The following ATF1 variants were observed in gnomAD, a reference collection of about 807,000 sequenced individuals.
ATF1 encodes the protein cyclic AMP-dependent transcription factor ATF-1.
ATF1 carries 16 observed loss-of-function variants against 34.7 expected under a neutral mutation model. That is an observed-to-expected ratio of 0.46 (90% CI 0.31 to 0.70). The LOEUF (loss-of-function observed/expected upper bound fraction) is 0.70. ATF1 is among the 30% of genes least tolerant of loss of function. The pLI, the probability that ATF1 is intolerant of heterozygous loss-of-function variation, is 0.05. For missense variants in ATF1, 255 were observed against 321.6 expected, an observed-to-expected ratio of 0.79 and a Z score of 1.58; for synonymous variants, 105 against 113.1, an observed-to-expected ratio of 0.93 and a Z score of 0.46.
At chr12:50,789,654 C>G (rs952795741) in intron 2 of ATF1, among the ~76,000 whole-genome samples, 1 of 152,174 alleles carries the variant, frequency 6.6e-6, no homozygotes, top group Non-Finnish European at 1.5e-5. Context: ...ACTCGGGAGG[C>G]TGAGGCAGGA....
intron 6 of ATF1, 47 bp downstream of exon 6, chr12:50,814,486 T>A (rs780523874): frequency 6.4e-7 from 1 of 1,566,976 alleles, no homozygotes; most frequent in Admixed American, 1.7e-5. Flanking sequence ...TTTTTACAAA[T>A]CTCACAACAT....
At chr12:50,788,931 G>C (rs929025476) in intron 2 of ATF1, among the ~76,000 whole-genome samples, 4 of 151,774 alleles carry the variant, frequency 2.6e-5, no homozygotes, top group Non-Finnish European at 5.9e-5. Flanking sequence ...GTAGTACAAA[G>C]TGCTATCTTG....
chr12:50,766,883 A>T (rs192398490), intron 1 of ATF1, among the ~76,000 whole-genome samples: 1 of 152,296 alleles, frequency 6.6e-6, no homozygotes, highest in Non-Finnish European at 1.5e-5. Context: ...TCTTACCTAG[A>T]GGCCACATGT....
At chr12:50,780,312 G>T in intron 2 of ATF1, 74 bp downstream of exon 2, 1 of 1,270,920 alleles carries the variant, frequency 7.9e-7, no homozygotes, top group Non-Finnish European at 1.1e-6. Flanking sequence ...GTTTCAGACT[G>T]ATTATTAATG....
chr12:50,781,915 C>CAAA (rs56395543), intron 2 of ATF1, among the ~76,000 whole-genome samples: 10 of 107,158 alleles, frequency 9.3e-5, no homozygotes, highest in Non-Finnish European at 1.8e-4. Flanking sequence ...ACCCTATCTC[C>CAAA]AAAAAAAAAA....
chr12:50,799,214 G>A (rs1179813920), intron 3 of ATF1, among the ~76,000 whole-genome samples: 2 of 152,122 alleles, frequency 1.3e-5, no homozygotes, highest in East Asian at 1.9e-4. Context: ...AGGAGATCCT[G>A]TCTCTACAAA....
intron 2 of ATF1, among the ~76,000 whole-genome samples, chr12:50,794,088 C>T (rs1219856805): frequency 6.6e-6 from 1 of 151,630 alleles, no homozygotes; most frequent in African/African-American, 2.4e-5. Context: ...GTAGCTGGGA[C>T]TACAGGCGCC....
chr12:50,803,449 G>C (rs1237763085), intron 3 of ATF1, among the ~76,000 whole-genome samples: 4 of 151,510 alleles, frequency 2.6e-5, no homozygotes, highest in Admixed American at 1.3e-4. Flanking sequence ...AATAAGTGTT[G>C]GTGATGATAT....
intron 2 of ATF1, among the ~76,000 whole-genome samples, chr12:50,781,816 G>A (rs1402568952): frequency 6.6e-6 from 1 of 151,428 alleles, no homozygotes; most frequent in African/African-American, 2.4e-5. Context: ...CTACTTGGCT[G>A]AAGCAGGAGG....
chr12:50,812,407 AATAGAG>A (rs1437590124), intron 4 of ATF1, among the ~76,000 whole-genome samples: 5 of 152,198 alleles, frequency 3.3e-5, no homozygotes, highest in African/African-American at 7.2e-5. Flanking sequence ...GGGAAAATGA[AATAGAG>A]ATAGATAATG....
intron 1 of ATF1, among the ~76,000 whole-genome samples, chr12:50,771,999 C>T (rs1036189596): frequency 3.3e-5 from 5 of 152,316 alleles, no homozygotes; most frequent in East Asian, 1.9e-4. Context: ...CAGCAGCCCT[C>T]GGGGCTGCTC....
At chr12:50,783,313 G>C (rs1941112378) in intron 2 of ATF1, among the ~76,000 whole-genome samples, 1 of 152,142 alleles carries the variant, frequency 6.6e-6, no homozygotes, top group East Asian at 1.9e-4. Context: ...ATATCCTTCT[G>C]CCTTATTTGG....
At chr12:50,817,430 ATATTT>A (rs1941866329) in intron 6 of ATF1, among the ~76,000 whole-genome samples, 1 of 152,210 alleles carries the variant, frequency 6.6e-6, no homozygotes, top group African/African-American at 2.4e-5. Context: ...ACAAAGTATG[ATATTT>A]TATAATTTTA....
intron 6 of ATF1, 42 bp from the exon 7 acceptor site, chr12:50,819,593 T>TGAA: frequency 6.3e-7 from 1 of 1,595,752 alleles, no homozygotes; most frequent in Non-Finnish European, 8.5e-7. Flanking sequence ...TTAAAGAATG[T>TGAA]GAAGTTTTTT....
At chr12:50,805,082 A>G (rs1941588439) in intron 3 of ATF1, among the ~76,000 whole-genome samples, 1 of 150,814 alleles carries the variant, frequency 6.6e-6, no homozygotes, top group Non-Finnish European at 1.5e-5. Context: ...AAGTGCTGGG[A>G]TTACAGGCAT....
intron 2 of ATF1, among the ~76,000 whole-genome samples, chr12:50,780,665 A>C (rs1336265552): frequency 2.6e-5 from 4 of 151,816 alleles, no homozygotes; most frequent in South Asian, 4.1e-4. Context: ...AAAAAAAAAA[A>C]AACAAAACAA....
chr12:50,766,142 C>T (rs1028092436), intron 1 of ATF1, among the ~76,000 whole-genome samples: 21 of 152,176 alleles, frequency 1.4e-4, no homozygotes, highest in African/African-American at 5.1e-4. Context: ...CAACGGCTAC[C>T]TTTGGGTAAG....
At chr12:50,777,264 CTT>C (rs1940947690) in intron 1 of ATF1, among the ~76,000 whole-genome samples, 1 of 152,062 alleles carries the variant, frequency 6.6e-6, no homozygotes, top group African/African-American at 2.4e-5. Flanking sequence ...ATGGTTATGA[CTT>C]TAAGAAGTTG....
chr12:50,788,887 T>G (rs1189101696), intron 2 of ATF1, among the ~76,000 whole-genome samples: 1 of 152,134 alleles, frequency 6.6e-6, no homozygotes, highest in Non-Finnish European at 1.5e-5. Context: ...TCCTTTTTGT[T>G]GGTGATTTTG....
Sources: allele counts gnomAD v4.1 joint callset (sites outside exome capture counted in the v4.1 genomes callset), GRCh38; gene constraint gnomAD v4.1.1; transcripts MANE v1.5; gene names NCBI Gene and HGNC (gene_info 2026-07-23, HGNC 2026-07-21).